The following PALLD variants were observed in gnomAD, a reference collection of about 807,000 sequenced individuals.
PALLD encodes palladin, cytoskeletal associated protein.
PALLD carries 61 observed loss-of-function variants against 123.5 expected under a neutral mutation model. The ratio of observed to expected loss-of-function variants is 0.49; its 90% CI spans 0.40 to 0.61. The LOEUF (loss-of-function observed/expected upper bound fraction) is 0.61. Among genes scored for constraint, PALLD ranks in the 20% least tolerant of loss-of-function variants. The pLI, the probability that PALLD is intolerant of heterozygous loss-of-function variation, is 0.00. For missense variants in PALLD, 1,273 were observed against 1,377.0 expected (o/e 0.92, Z 1.20); for synonymous variants, 465 against 496.4 (o/e 0.94, Z 0.84).
Position 168,878,348 on chromosome 4 carries a change from C to T in PALLD, c.1965-12574C>T, listed in dbSNP as rs763225090. 3.0e-5 allele frequency: 45 copies of T among 1,519,618 alleles called. No homozygotes were observed. In the Admixed American group the frequency reaches 8.8e-4, roughly 30 times the overall value. The allele number at this position is 1,519,618 out of a possible 1,614,324, so 94.1% of individuals were successfully genotyped here. On this transcript the variant is annotated intron_variant, in intron 10 of 21. Transcript: ENST00000505667. ...CGCTCTGCTGCCCTCGCAGCCGCCG[C>T]CGGCGGCCGTCAACGCCCTGGGGCT...
In PALLD at chr4:168,688,820, C is replaced by A. The variant is rs544261030; in HGVS notation, c.1336-1783C>A. 2.2e-3 allele frequency among the ~76,000 whole-genome samples: 335 copies of A among 152,274 alleles called. 1 individual carries two copies. Among genetic ancestry groups the A allele is most frequent in the Middle Eastern group, 0.014 (4 of 294 alleles). On this transcript the variant is annotated intron_variant, in intron 6 of 21. Coordinates refer to ENST00000505667, the MANE Select transcript of PALLD (RefSeq NM_001166108.2). ...TAATCTTAGGAATAAATCAAAGTCT[C>A]TTTTGGTGCCTCAAAGCTGAAGCAT...
chr4:168,584,702 G>A (rs147868695), intron 2 of PALLD, among the ~76,000 whole-genome samples: 16 of 152,254 alleles, frequency 1.1e-4, no homozygotes, highest in South Asian at 2.1e-4. Flanking sequence ...GTAAACTTTA[G>A]TTTCACCCAG....
chr4:168,911,495 A>G lies in PALLD; in HGVS notation c.2623-2432A>G, dbSNP rs115900936. 4.5e-3 allele frequency among the ~76,000 whole-genome samples: 687 copies of G among 152,288 alleles called. 1 individual carries two copies. The highest frequency in any genetic ancestry group is 0.016 in the African/African-American group (654 of 41,534). On this transcript the variant is annotated intron_variant, in intron 15 of 21. Coordinates refer to ENST00000505667, the MANE Select transcript of PALLD (RefSeq NM_001166108.2). ...AATTGGAAGCTATTTGTGTAAAACA[A>G]TACACACACTTCCTTGTCCTCAACC... is the stretch of plus-strand genomic sequence containing the variant.
Position 168,761,239 on chromosome 4 carries a change from T to C in PALLD, c.1964+49316T>C, listed in dbSNP as rs527839750. Among the ~76,000 whole-genome samples, 22 of 152,262 alleles carry C rather than the reference T, an allele frequency of 1.4e-4. No individual in the cohort carries two copies. The South Asian group carries it at 3.9e-3, about 27-fold the overall frequency. ...CATGGAGTATATTTTTCCCACAGTG[T>C]TTTCCAAAGCCTCTGTCTTTGGCTC... On this transcript the variant is annotated intron_variant, in intron 10 of 21. Transcript: ENST00000505667.
intron 2 of PALLD, among the ~76,000 whole-genome samples, chr4:168,649,246 G>GT (rs377606377): frequency 7.6e-4 from 115 of 152,252 alleles, no homozygotes; most frequent in Middle Eastern, 3.4e-3. Context: ...GCTGGTGTGA[G>GT]TTTTTTTAGT....
intron 2 of PALLD, among the ~76,000 whole-genome samples, chr4:168,569,891 G>T (rs1373319779): frequency 6.6e-6 from 1 of 152,116 alleles, no homozygotes; most frequent in Non-Finnish European, 1.5e-5. Context: ...AATACAATCA[G>T]GGGCTTGTGT....
At chr4:168,832,816 G>A (rs1335595760) in intron 10 of PALLD, 2 of 152,478 alleles carry the variant, frequency 1.3e-5, no homozygotes, top group African/African-American at 4.8e-5. Context: ...GCCCGCAGTC[G>A]GTGTTTCTTC....
intron 10 of PALLD, among the ~76,000 whole-genome samples, chr4:168,783,247 T>C (rs1736206208): frequency 6.6e-6 from 1 of 152,200 alleles, no homozygotes; most frequent in African/African-American, 2.4e-5. Context: ...ATGTTCTTAT[T>C]ACTCAGTATT....
chr4:168,880,649 T>C (rs746712549), intron 10 of PALLD, among the ~76,000 whole-genome samples: 7 of 152,248 alleles, frequency 4.6e-5, no homozygotes, highest in Non-Finnish European at 1.0e-4. Context: ...TTGCCAAAGA[T>C]TGAGTGTCCC....
intron 2 of PALLD, among the ~76,000 whole-genome samples, chr4:168,640,832 G>A (rs1776865343): frequency 6.6e-6 from 1 of 152,186 alleles, no homozygotes; most frequent in Non-Finnish European, 1.5e-5. Flanking sequence ...TAAATTCCTT[G>A]AACTTTCTGT....
chr4:168,579,504 CA>C (rs1157505965), intron 2 of PALLD, among the ~76,000 whole-genome samples: 1 of 151,946 alleles, frequency 6.6e-6, no homozygotes, highest in Non-Finnish European at 1.5e-5. Flanking sequence ...TATAAATCAA[CA>C]TATATCTAGT....
At chr4:168,746,770 T>C in intron 10 of PALLD, among the ~76,000 whole-genome samples, 1 of 152,140 alleles carries the variant, frequency 6.6e-6, no homozygotes, top group Non-Finnish European at 1.5e-5. Context: ...GATAATAACT[T>C]GGAAATATTT....
At chr4:168,541,769 T>C (rs1411622621) in intron 2 of PALLD, among the ~76,000 whole-genome samples, 1 of 152,146 alleles carries the variant, frequency 6.6e-6, no homozygotes, top group Non-Finnish European at 1.5e-5. Flanking sequence ...ACTCATTTTA[T>C]AATAGATCCA....
intron 10 of PALLD, among the ~76,000 whole-genome samples, chr4:168,735,999 A>G (rs549280442): frequency 6.6e-6 from 1 of 152,350 alleles, no homozygotes; most frequent in Admixed American, 6.5e-5. Flanking sequence ...ACAGCATAGA[A>G]AGACCCAGAA....
At chr4:168,609,715 C>T (rs11726512) in intron 2 of PALLD, among the ~76,000 whole-genome samples, 39,503 of 151,992 alleles carry the variant, frequency 0.26, 5,956 homozygotes, top group African/African-American at 0.42. Context: ...TGTGTGGATA[C>T]GATGTGGGAC....
At chr4:168,528,455 G>A (rs931310259) in intron 2 of PALLD, among the ~76,000 whole-genome samples, 1 of 152,194 alleles carries the variant, frequency 6.6e-6, no homozygotes, top group Non-Finnish European at 1.5e-5. Flanking sequence ...CTCTGTCAAT[G>A]AGAAATTAAA....
chr4:168,740,703 A>T (rs1452077815), intron 10 of PALLD, among the ~76,000 whole-genome samples: 1 of 152,222 alleles, frequency 6.6e-6, no homozygotes, highest in African/African-American at 2.4e-5. Flanking sequence ...AAGCCAAAAG[A>T]GCCAGTCAGG....
intron 10 of PALLD, among the ~76,000 whole-genome samples, chr4:168,760,576 C>T (rs527410076): frequency 3.9e-5 from 6 of 152,228 alleles, no homozygotes; most frequent in Non-Finnish European, 7.4e-5. Flanking sequence ...ATAGTCTCAT[C>T]CCTCCAAATT....
At chr4:168,585,121 G>T (rs1770680519) in intron 2 of PALLD, among the ~76,000 whole-genome samples, 1 of 152,106 alleles carries the variant, frequency 6.6e-6, no homozygotes, top group South Asian at 2.1e-4. Flanking sequence ...GTATTGAATG[G>T]TCTCTAAAAG....
Sources: gnomAD v4.1 joint callset for allele counts (sites outside exome capture counted in the v4.1 genomes callset) on GRCh38, gnomAD v4.1.1 for gene constraint, MANE v1.5 for transcripts, NCBI Gene and HGNC (gene_info 2026-07-23, HGNC 2026-07-21) for gene names.